PECAM1: variants seen among roughly 807,000 people sequenced by gnomAD.
PECAM1 encodes platelet endothelial cell adhesion molecule.
In PECAM1, 8 loss-of-function variants were observed where a neutral mutation model predicts 13.8. The ratio of observed to expected loss-of-function variants is 0.58; its 90% CI spans 0.34 to 1.05. The LOEUF (loss-of-function observed/expected upper bound fraction) is 1.05, where lower values mean the gene tolerates loss of function less well. PECAM1 is among the 50% of genes least tolerant of loss of function. PECAM1 has a pLI of 0.03. For missense variants in PECAM1, 304 were observed against 141.2 expected, an observed-to-expected ratio of 2.15 and a Z score of -5.84; for synonymous variants, 136 against 52.6, an observed-to-expected ratio of 2.58 and a Z score of -6.86.
intron 12 of PECAM1, among the ~76,000 whole-genome samples, chr17:64,348,730 C>T (rs1206679853): frequency 6.6e-6 from 1 of 152,068 alleles, no homozygotes. Flanking sequence ...AAGCCACTGC[C>T]CCCGGCTAGA....
chr17:64,321,461 CAT>C lies in PECAM1; in HGVS notation c.*2353_*2354del, dbSNP rs1275029029. 6.1e-6 allele frequency: 6 copies of C among 988,620 alleles called. No individual in the cohort carries two copies. The highest frequency in any genetic ancestry group is 2.2e-4 in the East Asian group (2 of 8,898). 61.2% of individuals were successfully genotyped at this position (988,620 alleles called of 1,614,324 possible). On this transcript the variant is annotated 3_prime_UTR_variant, in exon 16 of 16. Coordinates refer to ENST00000563924, the MANE Select transcript of PECAM1 (RefSeq NM_000442.5). The stretch of plus-strand genomic sequence containing the variant: ...GCAGAAGGGAAAGTAATTTTAAACT[CAT>C]GTGTGCTCCACAGGCCGGGGGCGGT...
chr17:64,335,285 T>C (rs889796979), intron 14 of PECAM1, among the ~76,000 whole-genome samples: 2 of 151,700 alleles, frequency 1.3e-5, no homozygotes, highest in Admixed American at 6.6e-5. Flanking sequence ...TTAAAGTAGA[T>C]AGGATCTACT....
intron 2 of PECAM1, among the ~76,000 whole-genome samples, chr17:64,382,887 A>G (rs1199653324): frequency 6.6e-6 from 1 of 152,018 alleles, no homozygotes; most frequent in Non-Finnish European, 1.5e-5. Context: ...TAAAGATACA[A>G]AAACTAGCCA....
At chr17:64,366,544 A>G (rs2036109863) in intron 5 of PECAM1, among the ~76,000 whole-genome samples, 1 of 151,892 alleles carries the variant, frequency 6.6e-6, no homozygotes, top group African/African-American at 2.4e-5. Context: ...TTGTGGCACT[A>G]TTCACAATAG....
chr17:64,321,910 G>T lies in PECAM1; in HGVS notation c.*1906C>A. 7.4e-7 allele frequency: 1 copy of T among 1,343,180 alleles called. No homozygotes were observed. The highest frequency in any genetic ancestry group is 9.9e-7 in the Non-Finnish European group (1 of 1,014,460). The allele number at this position is 1,343,180 out of a possible 1,614,324, so 83.2% of individuals were successfully genotyped here. ...CTCCCTGGACACAGGGGATCTGGCT[G>T]TCCCCAGATCATCAACAGAGACATG... On this transcript the variant is annotated 3_prime_UTR_variant, in exon 16 of 16. Coordinates refer to ENST00000563924, the MANE Select transcript of PECAM1 (RefSeq NM_000442.5).
At chr17:64,326,806 C>T (rs9748003) in intron 15 of PECAM1, among the ~76,000 whole-genome samples, 9,179 of 152,272 alleles carry the variant, frequency 0.06, 954 homozygotes, top group African/African-American at 0.21. Context: ...AGCCATCAGC[C>T]ACCCAAGTGC....
Position 64,338,794 on chromosome 17 carries a change from G to A in PECAM1, c.2164+2840C>T, listed in dbSNP as rs1163350111. ...GGCTGGTCTCCAACTCCTGACCTCAGGTGATCCACCCGCCTCGGCCTCCCA... is the reference window on the plus strand; with the variant it reads ...GGCTGGTCTCCAACTCCTGACCTCAAGTGATCCACCCGCCTCGGCCTCCCA... On this transcript the variant is annotated intron_variant, in intron 14 of 15. Transcript: ENST00000563924. Among the ~76,000 whole-genome samples the A allele has an allele frequency of 3.3e-5, 5 of 152,016 alleles. No individual in the cohort carries two copies. The East Asian group carries it at 7.8e-4, about 24-fold the overall frequency.
chr17:64,352,757 C>T (rs4968726), intron 10 of PECAM1, among the ~76,000 whole-genome samples: 121,023 of 151,920 alleles, frequency 0.8, 54,327 homozygotes, highest in East Asian at 1. Flanking sequence ...TGGGTTCAAG[C>T]GATTCTCGTG....
chr17:64,383,651 C>A (rs2036531094), intron 2 of PECAM1, among the ~76,000 whole-genome samples: 1 of 152,206 alleles, frequency 6.6e-6, no homozygotes, highest in African/African-American at 2.4e-5. Flanking sequence ...CTTGCGTGAG[C>A]CTCCCACTAA....
At chr17:64,339,733 A>T (rs978002417) in intron 14 of PECAM1, among the ~76,000 whole-genome samples, 2 of 152,232 alleles carry the variant, frequency 1.3e-5, no homozygotes, top group Non-Finnish European at 2.9e-5. Context: ...TTCAGGGTCA[A>T]GTTCCACAAG....
At chr17:64,340,158 A>C (rs1397452789) in intron 14 of PECAM1, among the ~76,000 whole-genome samples, 1 of 152,126 alleles carries the variant, frequency 6.6e-6, no homozygotes, top group Non-Finnish European at 1.5e-5. Flanking sequence ...TTTCAAACAA[A>C]AAAACAAAAC....
intron 14 of PECAM1, among the ~76,000 whole-genome samples, chr17:64,330,267 C>A (rs2035071802): frequency 2.0e-5 from 3 of 152,058 alleles, no homozygotes; most frequent in African/African-American, 7.2e-5. Context: ...GATCTGCCAA[C>A]CCTGGCCTCC....
chr17:64,329,662 G>C (rs150465418), intron 15 of PECAM1, 38 bp downstream of exon 15: 10 of 741,942 alleles, frequency 1.3e-5, no homozygotes, highest in Admixed American at 3.8e-5. Context: ...GTTCAGTGGA[G>C]TACTTTTAAA....
intron 15 of PECAM1, among the ~76,000 whole-genome samples, chr17:64,326,294 G>A (rs2034957601): frequency 6.6e-6 from 1 of 152,208 alleles, no homozygotes; most frequent in Non-Finnish European, 1.5e-5. Flanking sequence ...GATGACCCAG[G>A]GTCTTGGGAC....
chr17:64,382,928 T>A (rs2036513742), intron 2 of PECAM1, among the ~76,000 whole-genome samples: 1 of 152,054 alleles, frequency 6.6e-6, no homozygotes, highest in Non-Finnish European at 1.5e-5. Flanking sequence ...TAATCCCATC[T>A]ACTCGGGAGG....
Position 64,390,534 on chromosome 17 carries a change from A to G in PECAM1, c.65-19T>C, listed in dbSNP as rs1269420156. 4.2e-6 allele frequency: 2 copies of G among 474,182 alleles called. No homozygotes were observed. The highest frequency in any genetic ancestry group is 2.0e-5 in the African/African-American group (1 of 50,508). The allele number at this position is 474,182 out of a possible 1,614,324, so 29.4% of individuals were successfully genotyped here. On this transcript the variant is annotated intron_variant, in intron 1 of 15. Coordinates refer to ENST00000563924, the MANE Select transcript of PECAM1 (RefSeq NM_000442.5). ...CTTGAACCTGCAAGAAACATAAGAA[A>G]CATGTTGATTCCAGAAGCTTCGATG...
chr17:64,375,774 GC>G (rs1351996413), intron 3 of PECAM1, among the ~76,000 whole-genome samples: 1 of 152,010 alleles, frequency 6.6e-6, no homozygotes, highest in Non-Finnish European at 1.5e-5. Flanking sequence ...GCGGCAGTGA[GC>G]AGTGATCCCA....
At chr17:64,385,693 T>G (rs1247778546) in intron 2 of PECAM1, among the ~76,000 whole-genome samples, 1 of 151,948 alleles carries the variant, frequency 6.6e-6, no homozygotes, top group East Asian at 1.9e-4. Flanking sequence ...TCCAGTGATA[T>G]CAGTAAGCAC....
At chr17:64,335,260 T>C in intron 14 of PECAM1, among the ~76,000 whole-genome samples, 1 of 152,084 alleles carries the variant, frequency 6.6e-6, no homozygotes, top group East Asian at 1.9e-4. Context: ...CACAGTAGAA[T>C]ATTACTCTTC....
Sources: gnomAD v4.1 joint callset for allele counts (sites outside exome capture counted in the v4.1 genomes callset) on GRCh38, gnomAD v4.1.1 for gene constraint, MANE v1.5 for transcripts, NCBI Gene and HGNC (gene_info 2026-07-23, HGNC 2026-07-21) for gene names.